The following POLRMT variants were observed in gnomAD, a reference collection of about 807,000 sequenced individuals.
The protein encoded by POLRMT is DNA-directed RNA polymerase, mitochondrial.
POLRMT carries 114 observed loss-of-function variants against 132.2 expected under a neutral mutation model. The ratio of observed to expected loss-of-function variants is 0.86; its 90% CI spans 0.74 to 1.01. The LOEUF (loss-of-function observed/expected upper bound fraction) is 1.01, where lower values mean the gene tolerates loss of function less well. POLRMT is among the 50% of genes least tolerant of loss of function. POLRMT has a pLI of 0.00. For missense variants in POLRMT, 2,003 were observed against 1,729.1 expected (o/e 1.16, Z -2.81); for synonymous variants, 1,020 against 773.4 (o/e 1.32, Z -5.29).
chr19:622,025 C>G (rs961956982), intron 9 of POLRMT, 124 bp downstream of exon 9: 5 of 1,172,286 alleles, frequency 4.3e-6, no homozygotes, highest in African/African-American at 3.1e-5. Context: ...ATGGTGTGTC[C>G]CGAGTCCTGG....
In POLRMT at chr19:621,653, T is replaced by A. The variant is rs1313759480; in HGVS notation, c.2045A>T (p.Glu682Val). Residue 682 changes from glutamate (E) to valine (V), a missense_variant, in exon 10 of 21, where the codon GAG becomes GTG. Physicochemically the swap from Glu to Val is moderately radical, Grantham distance 121 (BLOSUM62 -2). Coordinates refer to ENST00000588649, the MANE Select transcript of POLRMT (RefSeq NM_005035.4). ...GGTGGGCGGGCAGGTTTCCAGCAGCTCCTGGTGCTGCGTGGCGCCTTCCAC... is the reference window on the plus strand; with the variant it reads ...GGTGGGCGGGCAGGTTTCCAGCAGCACCTGGTGCTGCGTGGCGCCTTCCAC... Reference protein sequence around the residue: ...RTVEGATQHQELLETCPPTAL... With the variant: ...RTVEGATQHQVLLETCPPTAL... 1 of 1,539,970 alleles carries A rather than the reference T, an allele frequency of 6.5e-7. No homozygotes were observed. Among genetic ancestry groups the A allele is most frequent in the African/African-American group, 1.4e-5 (1 of 73,352 alleles).
At position 619,574 on chromosome 19, in the gene POLRMT, T is replaced by C. The variant is rs10853990; in HGVS notation, c.3066+12A>G. 7.4e-6 allele frequency: 12 copies of C among 1,611,044 alleles called. No individual in the cohort carries two copies. The highest frequency in any genetic ancestry group is 1.0e-5 in the Non-Finnish European group (12 of 1,179,438). ...AAACCAACGTGTTCGCAGCGCGACATGCCTGGCGCACCTGGGGAAAGTCGC... is the reference window on the plus strand; with the variant it reads ...AAACCAACGTGTTCGCAGCGCGACACGCCTGGCGCACCTGGGGAAAGTCGC... On this transcript the variant is annotated intron_variant, in intron 13 of 20. Coordinates refer to ENST00000588649, the MANE Select transcript of POLRMT (RefSeq NM_005035.4).
At chr19:617,349 G>A (rs762473966) in intron 20 of POLRMT, 26 bp from the exon 21 acceptor site, 50 of 1,612,580 alleles carry the variant, frequency 3.1e-5, no homozygotes, top group Non-Finnish European at 4.0e-5. Context: ...AGCGGACGGC[G>A]TGGGTGGCGG....
Position 620,487 on chromosome 19 carries a change from C to A in POLRMT, c.2641G>T (p.Gly881Cys), listed in dbSNP as rs772279647. Residue 881 changes from glycine (G) to cysteine (C), a missense_variant and splice_region_variant, in exon 11 of 21, where the codon GGC becomes TGC. Physicochemically the swap from Gly to Cys is radical, Grantham distance 159 (BLOSUM62 -3). Transcript: ENST00000588649. ...TCCGCGCCCATCCACCACTTTCGGC[C>A]CTGCGGGGACAGCGGATGGGGGGCA... ...ILDSADQPLT[G>C]RKWWMGAEEP... 1.4e-5 allele frequency: 22 copies of A among 1,580,054 alleles called. No individual in the cohort carries two copies. The highest frequency in any genetic ancestry group is 1.8e-5 in the Non-Finnish European group (21 of 1,161,776).
At chr19:632,774 T>A in intron 2 of POLRMT, 60 bp downstream of exon 2, 1 of 1,406,598 alleles carries the variant, frequency 7.1e-7, no homozygotes, top group Non-Finnish European at 9.6e-7. Flanking sequence ...CCTTTGCCTT[T>A]TCTCCCGGCA....
chr19:624,917 G>A lies in POLRMT; in HGVS notation c.954-12C>T, dbSNP rs1481187463. ...TCTGTTCCAGACACCTGTGGTGCAG[G>A]CGGCCTGCTCGAGGGACGGGCCAGC... On this transcript the variant is annotated splice_polypyrimidine_tract_variant and intron_variant, in intron 4 of 20. Coordinates refer to ENST00000588649, the MANE Select transcript of POLRMT (RefSeq NM_005035.4). 2.9e-5 allele frequency: 47 copies of A among 1,598,060 alleles called. No homozygotes were observed. The highest frequency in any genetic ancestry group is 3.9e-5 in the Non-Finnish European group (46 of 1,169,672).
At position 621,115 on chromosome 19, in the gene POLRMT, C is replaced by A; in HGVS notation, c.2583G>T (p.Leu861=). ...CATCCATCACCTCCTCCGCAAAGGC[C>A]AGGCGCTTCCGCAGCGGCTCCCGCT... is the stretch of plus-strand genomic sequence containing the variant. The part of the protein sequence containing the change: ...LKKREPLRKR[L]AFAEEVMDDI... Residue 861 remains leucine (L), a synonymous_variant, in exon 10 of 21, where the codon CTG becomes CTT. Coordinates refer to ENST00000588649, the MANE Select transcript of POLRMT (RefSeq NM_005035.4). The A allele has an allele frequency of 1.2e-6, 2 of 1,610,926 alleles. No homozygotes were observed. Among genetic ancestry groups the A allele is most frequent in the East Asian group, 2.2e-5 (1 of 44,764 alleles).
intron 2 of POLRMT, among the ~76,000 whole-genome samples, chr19:631,154 A>G (rs1410216432): frequency 2.7e-5 from 4 of 147,540 alleles, no homozygotes; most frequent in African/African-American, 9.8e-5. Context: ...ACAATAATCC[A>G]TCTAAAAAAA....
chr19:633,150 T>C, intron 1 of POLRMT: 1 of 591,420 alleles, frequency 1.7e-6, no homozygotes. Flanking sequence ...AGAGGGTTCC[T>C]CGCACTCGAG....
intron 7 of POLRMT, 25 bp from the exon 8 acceptor site, chr19:622,777 TGCCCGCCCC>T: frequency 2.6e-6 from 4 of 1,558,124 alleles, no homozygotes; most frequent in Non-Finnish European, 3.5e-6. Context: ...CGTGAGTGCC[TGCCCGCCCC>T]GCCCGGGGAC....
At chr19:617,514 G>T in intron 19 of POLRMT, 34 bp from the exon 20 acceptor site, 1 of 1,531,940 alleles carries the variant, frequency 6.5e-7, no homozygotes, top group African/African-American at 1.4e-5. Flanking sequence ...TGAGGCTGAG[G>T]CCAGGTTTTG....
Position 621,075 on chromosome 19 carries a change from C to CG in POLRMT, c.2622dup (p.Ala875ArgfsTer94). On this transcript the variant is annotated frameshift_variant, in exon 10 of 21. Coordinates refer to ENST00000588649, the MANE Select transcript of POLRMT (RefSeq NM_005035.4). LOFTEE classifies it high-confidence loss of function. Reference sequence around the variant, plus strand: ...GCCCCTACCGTCAAGGGTTGGTCCGCGGAGTCCAGGATGTCATCCATCACC... The same window carrying CG: ...GCCCCTACCGTCAAGGGTTGGTCCGCGGGAGTCCAGGATGTCATCCATCACC... 1 of 1,603,076 alleles carries CG rather than the reference C, an allele frequency of 6.2e-7. No individual in the cohort carries two copies. Among genetic ancestry groups the CG allele is most frequent in the Non-Finnish European group, 8.5e-7 (1 of 1,176,450 alleles).
At chr19:622,052 C>G in intron 9 of POLRMT, 97 bp downstream of exon 9, 2 of 1,245,054 alleles carry the variant, frequency 1.6e-6, no homozygotes, top group Non-Finnish European at 2.2e-6. Context: ...CTGACGGCTG[C>G]GCTGAGATCA....
rs1984666550 is a variant in POLRMT, at chr19:622,214, G to A, written c.1786C>T (p.Pro596Ser). Reference sequence around the variant, plus strand: ...GGGACAAGCCGAGAGGAACGATGCGGCTTGTCCAGGCTGCATGGCATCTGC... The same window carrying A: ...GGGACAAGCCGAGAGGAACGATGCGACTTGTCCAGGCTGCATGGCATCTGC... ...ATQMPCSLDK[P>S]HRSSRLVPVL... is the part of the protein sequence containing the mutation. Residue 596 changes from proline to serine, a missense_variant, in exon 9 of 21, where the codon CCG becomes TCG. Pro to Ser is a moderately conservative substitution (Grantham distance 74, BLOSUM62 -1). Coordinates refer to ENST00000588649, the MANE Select transcript of POLRMT (RefSeq NM_005035.4). 3.2e-6 allele frequency: 5 copies of A among 1,568,142 alleles called. No individual in the cohort carries two copies. In the South Asian group the frequency reaches 3.5e-5, roughly 11 times the overall value.
chr19:622,483 AAC>A, intron 8 of POLRMT, 97 bp downstream of exon 8: 3 of 1,474,950 alleles, frequency 2.0e-6, no homozygotes, highest in South Asian at 2.7e-5. Context: ...CATACAGATG[AAC>A]AGACTGAAGC....
At position 621,594 on chromosome 19, in the gene POLRMT, G is replaced by A. The variant is rs758963370; in HGVS notation, c.2104C>T (p.Leu702=). The A allele has an allele frequency of 2.7e-6, 4 of 1,492,192 alleles. No individual in the cohort carries two copies. The South Asian group carries it at 5.2e-5, about 19-fold the overall frequency. The allele number at this position is 1,492,192 out of a possible 1,614,324, so 92.4% of individuals were successfully genotyped here. The change falls in exon 10 of 21, where the codon CTG becomes TTG. Residue 702 remains leucine, a synonymous_variant. Coordinates refer to ENST00000588649, the MANE Select transcript of POLRMT (RefSeq NM_005035.4). ...TTGACGCGCCAGGCGCAGTTGCCCA[G>A]TTGGGTGAGGGCGTCCAGTGCGCCA... ...LHGALDALTQ[L]GNCAWRVNGR...
intron 2 of POLRMT, among the ~76,000 whole-genome samples, chr19:631,061 A>T (rs1985377268): frequency 6.6e-6 from 1 of 152,002 alleles, no homozygotes; most frequent in Non-Finnish European, 1.5e-5. Flanking sequence ...TGGGAGGCTG[A>T]GGCAGGAGAA....
At position 617,863 on chromosome 19, in the gene POLRMT, G is replaced by C. The variant is rs1188028196; in HGVS notation, c.3423-14C>G. On this transcript the variant is annotated splice_polypyrimidine_tract_variant and intron_variant, in intron 17 of 20. Coordinates refer to ENST00000588649, the MANE Select transcript of POLRMT (RefSeq NM_005035.4). ...GTCAGGCCCTTCCTGTGGCAGAGCG[G>C]AGGACTCCTGAAGGGAGGGGAGCTC... 6.2e-7 allele frequency: 1 copy of C among 1,612,468 alleles called. No homozygotes were observed. Among genetic ancestry groups the C allele is most frequent in the Non-Finnish European group, 8.5e-7 (1 of 1,179,488 alleles).
intron 5 of POLRMT, 129 bp downstream of exon 5, chr19:624,590 G>A: frequency 9.5e-7 from 1 of 1,057,218 alleles, no homozygotes; most frequent in Non-Finnish European, 1.3e-6. Context: ...AGGAGGAAGG[G>A]AGGAATTCAG....
Sources: allele counts gnomAD v4.1 joint callset (sites outside exome capture counted in the v4.1 genomes callset), GRCh38; gene constraint gnomAD v4.1.1; transcripts MANE v1.5; gene names NCBI Gene and HGNC (gene_info 2026-07-23, HGNC 2026-07-21).